ZFAT: variants seen among roughly 807,000 people sequenced by gnomAD.
The protein encoded by ZFAT is zinc finger protein ZFAT.
A neutral mutation model predicts 117.7 loss-of-function variants in ZFAT; 64 were observed. The observed-to-expected ratio is 0.54, with a 90% CI of 0.44 to 0.67. The LOEUF (loss-of-function observed/expected upper bound fraction) is 0.67. ZFAT is among the 30% of genes least tolerant of loss of function. The probability of loss-of-function intolerance (pLI) is 0.00; values close to 1 mark genes in which losing one functional copy is unlikely to be tolerated. For missense variants in ZFAT, 1,433 were observed against 1,584.5 expected (o/e 0.90, Z 1.62); for synonymous variants, 679 against 615.0 (o/e 1.10, Z -1.54).
chr8:134,750,859 C>T, the ZFAT span, among the ~76,000 whole-genome samples: 2 of 152,102 alleles, frequency 1.3e-5, no homozygotes, highest in Admixed American at 6.5e-5. Flanking sequence ...CGTTCTATCA[C>T]GTACTATAAG....
At chr8:134,563,973 G>A (rs918087183) in intron 11 of ZFAT, among the ~76,000 whole-genome samples, 3 of 151,820 alleles carry the variant, frequency 2.0e-5, no homozygotes, top group African/African-American at 4.9e-5. Context: ...GTGAAACCCC[G>A]TCTCTACTAA....
chr8:134,807,937 T>C, the ZFAT span, among the ~76,000 whole-genome samples: 5 of 152,200 alleles, frequency 3.3e-5, no homozygotes, highest in Non-Finnish European at 5.9e-5. Context: ...GGCTTCCTGT[T>C]CTATAAGGCT....
intron 10 of ZFAT, among the ~76,000 whole-genome samples, chr8:134,573,201 C>G (rs758268490): frequency 5.9e-5 from 9 of 152,098 alleles, no homozygotes; most frequent in Non-Finnish European, 1.2e-4. Context: ...TTGTAACAAT[C>G]CATTGAGCTG....
chr8:134,813,373 T>C, the ZFAT span, among the ~76,000 whole-genome samples: 1 of 152,204 alleles, frequency 6.6e-6, no homozygotes, highest in Non-Finnish European at 1.5e-5. Context: ...AGACAGATAA[T>C]ACCAGATCAC....
chr8:134,593,010 C>T (rs1248097279), intron 7 of ZFAT, among the ~76,000 whole-genome samples: 1 of 152,214 alleles, frequency 6.6e-6, no homozygotes, highest in African/African-American at 2.4e-5. Context: ...GATCCCCACA[C>T]AGGCTACACC....
the ZFAT span, among the ~76,000 whole-genome samples, chr8:134,759,160 A>G: frequency 6.6e-6 from 1 of 152,228 alleles, no homozygotes; most frequent in Non-Finnish European, 1.5e-5. Context: ...GGCTTTACCA[A>G]TGCTATATAT....
chr8:134,601,908 G>A lies in ZFAT; in HGVS notation c.1811C>T (p.Ser604Phe), dbSNP rs1261564505. 1 of 1,613,926 alleles carries A rather than the reference G, an allele frequency of 6.2e-7. No individual in the cohort carries two copies. Among genetic ancestry groups the A allele is most frequent in the African/African-American group, 1.3e-5 (1 of 74,926 alleles). The change falls in exon 6 of 16, where the codon TCC becomes TTC. Residue 604 changes from serine (S) to phenylalanine (F), a missense_variant. By Grantham distance (155) the Ser-to-Phe change is radical. Coordinates refer to ENST00000377838, the MANE Select transcript of ZFAT (RefSeq NM_020863.4). ...SDDFLLKNDT[S>F]SAEAHAAPEK... ...AGGAGCAGCATGAGCCTCTGCGGAG[G>A]AGGTATCATTTTTCAACAAAAAATC...
intron 1 of ZFAT, among the ~76,000 whole-genome samples, chr8:134,694,664 C>T (rs1010959920): frequency 6.6e-6 from 1 of 152,178 alleles, no homozygotes; most frequent in Non-Finnish European, 1.5e-5. Flanking sequence ...ATCTTCCCTG[C>T]CTCTCTAAAG....
chr8:134,754,714 C>T, the ZFAT span, among the ~76,000 whole-genome samples: 1 of 152,252 alleles, frequency 6.6e-6, no homozygotes, highest in Non-Finnish European at 1.5e-5. Context: ...CACCTGTCAC[C>T]AACCCTTAGC....
intron 2 of ZFAT, among the ~76,000 whole-genome samples, chr8:134,648,173 T>G (rs1313516135): frequency 6.6e-6 from 1 of 151,772 alleles, no homozygotes; most frequent in Non-Finnish European, 1.5e-5. Flanking sequence ...CAAGTATACC[T>G]TAATAAAGCT....
At chr8:134,606,906 G>T (rs1481930104) in intron 5 of ZFAT, among the ~76,000 whole-genome samples, 1 of 151,854 alleles carries the variant, frequency 6.6e-6, no homozygotes, top group African/African-American at 2.4e-5. Context: ...TCAGTTTTCT[G>T]GACTTCCAAA....
the ZFAT span, among the ~76,000 whole-genome samples, chr8:134,789,315 A>C: frequency 6.6e-5 from 10 of 152,212 alleles, no homozygotes; most frequent in Non-Finnish European, 1.5e-4. Flanking sequence ...GTGCATTTTA[A>C]TTCCACAGAT....
chr8:134,526,930 C>G (rs1821065574), intron 12 of ZFAT, among the ~76,000 whole-genome samples: 1 of 151,838 alleles, frequency 6.6e-6, no homozygotes, highest in Non-Finnish European at 1.5e-5. Flanking sequence ...AATAATGAGT[C>G]CCTGAAGACA....
chr8:134,523,388 G>A (rs1820801914), intron 12 of ZFAT, among the ~76,000 whole-genome samples: 1 of 152,128 alleles, frequency 6.6e-6, no homozygotes, highest in Non-Finnish European at 1.5e-5. Flanking sequence ...CTCCAGCCTG[G>A]GATGCCTCCC....
the ZFAT span, among the ~76,000 whole-genome samples, chr8:134,729,690 C>T: frequency 6.6e-6 from 1 of 152,266 alleles, no homozygotes; most frequent in Admixed American, 6.5e-5. Context: ...GTTACTACAC[C>T]TGAATAGCAT....
chr8:134,696,796 C>G (rs541138832), intron 1 of ZFAT, among the ~76,000 whole-genome samples: 2 of 152,230 alleles, frequency 1.3e-5, no homozygotes, highest in African/African-American at 4.8e-5. Flanking sequence ...TCTGGGAGCC[C>G]GCTCCAGTCC....
Position 134,600,688 on chromosome 8 carries a change from T to C in ZFAT, c.2243-20A>G, listed in dbSNP as rs760382947. On this transcript the variant is annotated intron_variant, in intron 6 of 15. Coordinates refer to ENST00000377838, the MANE Select transcript of ZFAT (RefSeq NM_020863.4). ...GTTTGCCTAAAAAAATATTTTCACATGAGAACAAGGAAGTTTCATTTTGAC... is the reference window on the plus strand; with the variant it reads ...GTTTGCCTAAAAAAATATTTTCACACGAGAACAAGGAAGTTTCATTTTGAC... The C allele has an allele frequency of 3.5e-5, 54 of 1,553,524 alleles. No homozygotes were observed. The highest frequency in any genetic ancestry group is 1.2e-5 in the South Asian group (1 of 81,082).
At chr8:134,612,237 C>A (rs546866662) in intron 3 of ZFAT, among the ~76,000 whole-genome samples, 28 of 152,340 alleles carry the variant, frequency 1.8e-4, no homozygotes, top group African/African-American at 6.5e-4. Context: ...TGAAGGGAAG[C>A]AGGGTGCGCA....
intron 2 of ZFAT, chr8:134,639,901 C>T (rs892250940): frequency 1.5e-5 from 6 of 400,824 alleles, no homozygotes; most frequent in African/African-American, 1.3e-4. Flanking sequence ...CTGAAACACT[C>T]TATGAGGATG....
Sources: allele counts gnomAD v4.1 joint callset (sites outside exome capture counted in the v4.1 genomes callset), GRCh38; gene constraint gnomAD v4.1.1; transcripts MANE v1.5; gene names NCBI Gene and HGNC (gene_info 2026-07-23, HGNC 2026-07-21).